EPB41L5: variants seen among roughly 807,000 people sequenced by gnomAD.
The protein encoded by EPB41L5 is band 4.1-like protein 5.
Under a neutral mutation model 106.6 loss-of-function variants are expected in EPB41L5, and 55 were observed. That is an observed-to-expected ratio of 0.52 (90% CI 0.42 to 0.65). The LOEUF is 0.65. Ranked by LOEUF, EPB41L5 falls within the 30% of genes least tolerant of loss-of-function variation. The pLI is 0.00. For missense variants in EPB41L5, 871 were observed against 882.1 expected (o/e 0.99, Z 0.16); for synonymous variants, 297 against 306.7 (o/e 0.97, Z 0.33).
At chr2:120,029,952 C>T (rs1045034437) in intron 2 of EPB41L5, among the ~76,000 whole-genome samples, 2 of 152,114 alleles carry the variant, frequency 1.3e-5, no homozygotes, top group African/African-American at 2.4e-5. Flanking sequence ...TTCCAGTCTT[C>T]GTAGCCCACA....
intron 18 of EPB41L5, among the ~76,000 whole-genome samples, chr2:120,136,225 C>T (rs977424346): frequency 6.7e-6 from 1 of 148,182 alleles, no homozygotes. Flanking sequence ...ATTTGCAAAC[C>T]TCATGGTAAC....
chr2:120,078,545 T>C lies in EPB41L5; in HGVS notation c.767T>C (p.Val256Ala). The C allele has an allele frequency of 6.2e-7, 1 of 1,606,742 alleles. No homozygotes were observed. The change falls in exon 10 of 25, where the codon GTT becomes GCT. Residue 256 changes from valine to alanine, a missense_variant. Transcript: ENST00000263713. ...GGACTAACACCAACAGGAGTCCTTGTTTTTGAAGGAGATACCAAAATTGGC... is the reference window on the plus strand; with the variant it reads ...GGACTAACACCAACAGGAGTCCTTGCTTTTGAAGGAGATACCAAAATTGGC... Reference protein sequence around the residue: ...SLGLTPTGVLVFEGDTKIGLF... With the variant: ...SLGLTPTGVLAFEGDTKIGLF...
At chr2:120,129,095 A>G (rs1685586408) in intron 17 of EPB41L5, among the ~76,000 whole-genome samples, 1 of 152,160 alleles carries the variant, frequency 6.6e-6, no homozygotes, top group Non-Finnish European at 1.5e-5. Context: ...ACTTTCTGGG[A>G]GATGAGATCA....
intron 3 of EPB41L5, among the ~76,000 whole-genome samples, chr2:120,042,745 A>G (rs1679477981): frequency 6.6e-6 from 1 of 152,182 alleles, no homozygotes; most frequent in Admixed American, 6.5e-5. Context: ...CCAAAGTATT[A>G]AATAATAAAT....
At chr2:120,097,373 A>G (rs1019940612) in intron 14 of EPB41L5, among the ~76,000 whole-genome samples, 2 of 152,184 alleles carry the variant, frequency 1.3e-5, no homozygotes, top group African/African-American at 4.8e-5. Flanking sequence ...GCTCTATTGA[A>G]CCATGGAAAA....
intron 23 of EPB41L5, among the ~76,000 whole-genome samples, 172 bp downstream of exon 23, chr2:120,167,679 ATGTT>A (rs1267388662): frequency 6.6e-6 from 1 of 152,258 alleles, no homozygotes; most frequent in Non-Finnish European, 1.5e-5. Context: ...CTGGTTGTAA[ATGTT>A]TGTCAGGATG....
At chr2:120,108,940 G>A (rs1684596738) in intron 16 of EPB41L5, among the ~76,000 whole-genome samples, 1 of 152,188 alleles carries the variant, frequency 6.6e-6, no homozygotes, top group South Asian at 2.1e-4. Flanking sequence ...GAGTAGTAAA[G>A]GCATTGAATA....
chr2:120,143,834 T>C (rs1686284512), intron 19 of EPB41L5, among the ~76,000 whole-genome samples: 1 of 152,162 alleles, frequency 6.6e-6, no homozygotes, highest in Non-Finnish European at 1.5e-5. Flanking sequence ...AAAATAAATA[T>C]AAAATATGAT....
At chr2:120,151,801 G>C (rs955388189) in intron 20 of EPB41L5, among the ~76,000 whole-genome samples, 2 of 150,566 alleles carry the variant, frequency 1.3e-5, no homozygotes, top group Non-Finnish European at 3.0e-5. Context: ...ATTTTTAGTA[G>C]AGATGGGGTT....
chr2:120,019,386 G>C, intron 2 of EPB41L5, 122 bp downstream of exon 2: 2 of 794,850 alleles, frequency 2.5e-6, no homozygotes, highest in Non-Finnish European at 3.8e-6. Context: ...GGTTAGTATA[G>C]ATCAGGCACT....
At chr2:120,151,988 T>G (rs1686701716) in intron 20 of EPB41L5, among the ~76,000 whole-genome samples, 1 of 152,218 alleles carries the variant, frequency 6.6e-6, no homozygotes, top group Non-Finnish European at 1.5e-5. Context: ...TAGTTTTACT[T>G]CCTTATTTCC....
Position 120,146,271 on chromosome 2 carries a change from A to C in EPB41L5, c.1775A>C (p.Gln592Pro). 6.2e-7 allele frequency: 1 copy of C among 1,609,752 alleles called. No individual in the cohort carries two copies. The highest frequency in any genetic ancestry group is 8.5e-7 in the Non-Finnish European group (1 of 1,176,354). The change falls in exon 20 of 25, where the codon CAG (glutamine) becomes CCG (proline). Residue 592 changes from glutamine to proline, a missense_variant. Physicochemically the swap from Gln to Pro is moderately conservative, Grantham distance 76. Coordinates refer to ENST00000263713, the MANE Select transcript of EPB41L5 (RefSeq NM_020909.4). ...SLLSHKNANV[Q>P]DAATNSAVLN... ...TTAAGTCATAAAAATGCCAATGTTC[A>C]GGATGCTGCCACAAACAGGTACAGT...
chr2:120,112,318 A>G (rs1285245035), intron 16 of EPB41L5, among the ~76,000 whole-genome samples: 1 of 152,220 alleles, frequency 6.6e-6, no homozygotes, highest in Non-Finnish European at 1.5e-5. Flanking sequence ...AACAGAATGT[A>G]CGCTCCGTTA....
rs765538150 is a variant in EPB41L5 at position 120,176,092 on chromosome 2, C to T, written c.*1185C>T. The T allele has an allele frequency of 6.6e-6, 1 of 152,602 alleles. No homozygotes were observed. Among genetic ancestry groups the T allele is most frequent in the Non-Finnish European group, 1.5e-5 (1 of 68,034 alleles). The allele number at this position is 152,602 out of a possible 1,614,324, so 9.5% of individuals were successfully genotyped here. ...TCTGGATGTTAAAATAATATATACT[C>T]ATCACAGAAAAATAAAGTATAGCAA... is the stretch of plus-strand genomic sequence containing the variant. On this transcript the variant is annotated 3_prime_UTR_variant, in exon 25 of 25. Transcript: ENST00000263713.
chr2:120,148,940 A>G (rs866093937), intron 20 of EPB41L5, among the ~76,000 whole-genome samples: 1 of 121,252 alleles, frequency 8.2e-6, no homozygotes, highest in African/African-American at 2.7e-5. Flanking sequence ...AGAACTGCCA[A>G]ATGTCTTCCA....
chr2:120,126,985 C>T (rs1685483854), intron 16 of EPB41L5, among the ~76,000 whole-genome samples: 1 of 152,074 alleles, frequency 6.6e-6, no homozygotes, highest in South Asian at 2.1e-4. Context: ...TAAATTTATT[C>T]CTAAGTTTCT....
chr2:120,091,719 GTGT>G, intron 13 of EPB41L5, 58 bp downstream of exon 13: 3 of 1,364,138 alleles, frequency 2.2e-6, no homozygotes, highest in African/African-American at 1.4e-5. Flanking sequence ...TTATGTGCTG[GTGT>G]TGTTTCCATA....
At chr2:120,102,777 T>C (rs1684226158) in intron 16 of EPB41L5, among the ~76,000 whole-genome samples, 1 of 152,202 alleles carries the variant, frequency 6.6e-6, no homozygotes, top group South Asian at 2.1e-4. Flanking sequence ...ATTTGGCATA[T>C]CAGTGGCTTA....
At chr2:120,081,678 G>T (rs546534619) in intron 10 of EPB41L5, among the ~76,000 whole-genome samples, 1 of 152,276 alleles carries the variant, frequency 6.6e-6, no homozygotes, top group African/African-American at 2.4e-5. Context: ...GGATGGCATT[G>T]AATCTATAAA....
Sources: allele counts gnomAD v4.1 joint callset (sites outside exome capture counted in the v4.1 genomes callset), GRCh38; gene constraint gnomAD v4.1.1; transcripts MANE v1.5; gene names NCBI Gene and HGNC (gene_info 2026-07-23, HGNC 2026-07-21).